The following LIMCH1 variants were observed in gnomAD, a reference collection of about 807,000 sequenced individuals.
LIMCH1 encodes LIM and calponin homology domains-containing protein 1.
A neutral mutation model predicts 176.5 loss-of-function variants in LIMCH1; 113 were observed. The observed-to-expected ratio is 0.64, with a 90% CI of 0.55 to 0.75. LIMCH1 has a LOEUF of 0.75. Ranked by LOEUF, LIMCH1 falls within the 30% of genes least tolerant of loss-of-function variation. The pLI is 0.00. For missense variants in LIMCH1, 1,674 were observed against 1,814.9 expected (o/e 0.92, Z 1.41); for synonymous variants, 619 against 645.9 (o/e 0.96, Z 0.63).
intron 1 of LIMCH1, among the ~76,000 whole-genome samples, chr4:41,433,414 T>G (rs1434706958): frequency 1.3e-5 from 2 of 152,190 alleles, no homozygotes; most frequent in African/African-American, 2.4e-5. Flanking sequence ...TAACAACAAT[T>G]TATTGTTTCT....
At chr4:41,430,412 T>A (rs10009794) in intron 1 of LIMCH1, among the ~76,000 whole-genome samples, 2 of 152,064 alleles carry the variant, frequency 1.3e-5, no homozygotes, top group African/African-American at 4.8e-5. Context: ...TACAGGCACG[T>A]GCCACTACGC....
intron 1 of LIMCH1, among the ~76,000 whole-genome samples, chr4:41,547,671 TATATA>T (rs965992352): frequency 4.1e-5 from 6 of 146,054 alleles, no homozygotes; most frequent in Admixed American, 2.1e-4. Context: ...AATATATACA[TATATA>T]ATATATGTAT....
chr4:41,682,368 A>G lies in LIMCH1; in HGVS notation c.3753A>G (p.Lys1251=), dbSNP rs747438665. The change falls in exon 26 of 32, where the codon AAA becomes AAG. Residue 1251 remains lysine (K), a synonymous_variant. Transcript: ENST00000503057. ...ACCTGGGAAACTGTCAAGATGAAAA[A>G]CAAGACAGAAGATGGAAGAAATCAT... ...KIDLGNCQDE[K]QDRRWKKSFQ... 6.2e-7 allele frequency: 1 copy of G among 1,612,822 alleles called. No individual in the cohort carries two copies. Among genetic ancestry groups the G allele is most frequent in the Non-Finnish European group, 8.5e-7 (1 of 1,178,968 alleles).
At chr4:41,506,402 G>A (rs1251832485) in intron 2 of LIMCH1, among the ~76,000 whole-genome samples, 1 of 152,176 alleles carries the variant, frequency 6.6e-6, no homozygotes, top group Non-Finnish European at 1.5e-5. Flanking sequence ...TTTGTGTGGA[G>A]ACATTTTATC....
chr4:41,600,523 A>G (rs2089729063), intron 2 of LIMCH1, among the ~76,000 whole-genome samples: 1 of 151,770 alleles, frequency 6.6e-6, no homozygotes, highest in Non-Finnish European at 1.5e-5. Context: ...TTAAATCAGT[A>G]TGTTACTAAA....
At chr4:41,531,556 T>G (rs6447086) in intron 3 of LIMCH1, among the ~76,000 whole-genome samples, 1,604 of 150,874 alleles carry the variant, frequency 0.011, 25 homozygotes, top group African/African-American at 0.034. Context: ...AACCTCTCTA[T>G]GCCCAGTGAC....
intron 1 of LIMCH1, among the ~76,000 whole-genome samples, chr4:41,445,346 A>G (rs1282019931): frequency 6.6e-6 from 1 of 152,098 alleles, no homozygotes; most frequent in Non-Finnish European, 1.5e-5. Context: ...TTATATCTCA[A>G]ACCTCTGATT....
chr4:41,401,497 A>G (rs955200321), intron 1 of LIMCH1, among the ~76,000 whole-genome samples: 52 of 152,166 alleles, frequency 3.4e-4, no homozygotes, highest in African/African-American at 1.2e-3. Context: ...TTGGCTTAGG[A>G]TTGACTTGGT....
intron 1 of LIMCH1, among the ~76,000 whole-genome samples, chr4:41,417,927 A>T (rs191277161): frequency 1.1e-3 from 167 of 152,348 alleles, no homozygotes; most frequent in African/African-American, 3.8e-3. Context: ...TTCACTTTGG[A>T]ACTATCCATT....
chr4:41,508,717 C>A (rs2074478730), intron 2 of LIMCH1, among the ~76,000 whole-genome samples: 1 of 152,126 alleles, frequency 6.6e-6, no homozygotes, highest in Non-Finnish European at 1.5e-5. Context: ...ACTGTGAGGT[C>A]ATGGAAACCA....
At chr4:41,637,993 G>T (rs1448461790) in intron 13 of LIMCH1, among the ~76,000 whole-genome samples, 2 of 152,124 alleles carry the variant, frequency 1.3e-5, no homozygotes, top group Non-Finnish European at 2.9e-5. Context: ...ACTATTCTTT[G>T]TCCACCATCA....
intron 18 of LIMCH1, among the ~76,000 whole-genome samples, chr4:41,660,359 A>G (rs1176841852): frequency 6.6e-6 from 1 of 152,200 alleles, no homozygotes; most frequent in Non-Finnish European, 1.5e-5. Flanking sequence ...GAGAGAGAGG[A>G]ACACAAGCAT....
chr4:41,383,010 T>C (rs1250097280), intron 1 of LIMCH1, among the ~76,000 whole-genome samples: 1 of 152,208 alleles, frequency 6.6e-6, no homozygotes, highest in Non-Finnish European at 1.5e-5. Flanking sequence ...AGGCTGGTCT[T>C]GAGCTCCTGG....
At chr4:41,615,592 A>G (rs977154330) in intron 5 of LIMCH1, among the ~76,000 whole-genome samples, 1 of 152,242 alleles carries the variant, frequency 6.6e-6, no homozygotes, top group Admixed American at 6.5e-5. Flanking sequence ...AAGAAAAACA[A>G]CACATTTATT....
rs2089993939 is a variant in LIMCH1, at chr4:41,601,957, AAGCAGTAAGGTATAGGG to A, written c.-133-1916_-133-1900del. Among the ~76,000 whole-genome samples, 3 of 152,050 alleles carry A rather than the reference AAGCAGTAAGGTATAGGG, an allele frequency of 2.0e-5. No individual in the cohort carries two copies. In the South Asian group the frequency reaches 6.2e-4, roughly 32 times the overall value. ...CCCCATTGCCACCAATTACTAGCGG[AAGCAGTAAGGTATAGGG>A]ATAGATCCCACAGAAGAGCTTTGGA... On this transcript the variant is annotated intron_variant, in intron 2 of 31. Coordinates refer to ENST00000503057, the MANE Select transcript of LIMCH1 (RefSeq NM_001330672.2).
At chr4:41,584,953 A>G (rs918907876) in intron 1 of LIMCH1, among the ~76,000 whole-genome samples, 2 of 152,164 alleles carry the variant, frequency 1.3e-5, no homozygotes, top group African/African-American at 4.8e-5. Context: ...CCTGGTTCAT[A>G]GATGACCATC....
intron 18 of LIMCH1, among the ~76,000 whole-genome samples, chr4:41,653,129 A>G (rs898418128): frequency 6.6e-6 from 1 of 152,176 alleles, no homozygotes; most frequent in Non-Finnish European, 1.5e-5. Flanking sequence ...TGTTAGCTGT[A>G]CTACATAGGA....
chr4:41,450,418 T>C (rs1381218659), intron 1 of LIMCH1, among the ~76,000 whole-genome samples: 1 of 152,072 alleles, frequency 6.6e-6, no homozygotes, highest in Non-Finnish European at 1.5e-5. Flanking sequence ...GGCATATAGT[T>C]GGCACTTCAT....
chr4:41,537,198 C>T (rs1284684216), upstream of LIMCH1, among the ~76,000 whole-genome samples: 1 of 152,166 alleles, frequency 6.6e-6, no homozygotes, highest in Non-Finnish European at 1.5e-5. Flanking sequence ...CCAGTGAGTC[C>T]ATTGGCATAT....
Sources: allele counts gnomAD v4.1 joint callset (sites outside exome capture counted in the v4.1 genomes callset), GRCh38; gene constraint gnomAD v4.1.1; transcripts MANE v1.5; gene names NCBI Gene and HGNC (gene_info 2026-07-23, HGNC 2026-07-21).